Variants in ALPG observed in about 807,000 individuals in gnomAD.
The protein encoded by ALPG is alkaline phosphatase, germ cell type.
ALPG carries 32 observed loss-of-function variants against 48.6 expected under a neutral mutation model. The observed-to-expected ratio is 0.66, with a 90% confidence interval of 0.50 to 0.88. The LOEUF (loss-of-function observed/expected upper bound fraction) is 0.88, where lower values mean the gene tolerates loss of function less well. Among genes scored for constraint, ALPG ranks in the 40% least tolerant of loss-of-function variants. The pLI, the probability that ALPG is intolerant of heterozygous loss-of-function variation, is 0.00. For synonymous variants in ALPG, 244 were observed against 308.9 expected, an observed-to-expected ratio of 0.79 and a Z score of 2.20; for missense variants, 533 against 718.1, an observed-to-expected ratio of 0.74 and a Z score of 2.95.
In ALPG at chr2:232,407,920, A is replaced by G. The variant is rs1179935293; in HGVS notation, c.551A>G (p.Asn184Ser). The change falls in exon 5 of 11, where the codon AAC (asparagine) becomes AGC (serine). Residue 184 changes from asparagine (N) to serine (S), a missense_variant. Asn to Ser is a conservative substitution (Grantham distance 46, BLOSUM62 1). Coordinates refer to ENST00000295453, the MANE Select transcript of ALPG (RefSeq NM_031313.3). The stretch of plus-strand genomic sequence containing the variant: ...GCCGGCGCCTACGCCCACACGGTGA[A>G]CCGCAACTGGTACTCGGATGCCGAC... ...SPAGAYAHTV[N>S]RNWYSDADVP... 6.2e-7 allele frequency: 1 copy of G among 1,613,434 alleles called. No homozygotes were observed. The highest frequency in any genetic ancestry group is 8.5e-7 in the Non-Finnish European group (1 of 1,179,994).
Position 232,409,752 on chromosome 2 carries a change from C to A in ALPG, c.1479C>A (p.Cys493Ter), listed in dbSNP as rs753801165. The change falls in exon 11 of 11, where the codon TGC becomes TGA. Residue 493 changes from cysteine (C) to a stop codon, truncating the protein, a stop_gained. Transcript: ENST00000295453. LOFTEE classifies it low-confidence loss of function (END_TRUNC). The part of the protein sequence containing the change: ...FAACLEPYTA[C>*]DLAPRAGTTD... ...CCTGCCTGGAGCCCTACACCGCCTG[C>A]GACCTGGCGCCCCGCGCCGGCACCA... 4 of 1,608,584 alleles carry A rather than the reference C, an allele frequency of 2.5e-6. No individual in the cohort carries two copies. Among genetic ancestry groups the A allele is most frequent in the South Asian group, 1.1e-5 (1 of 90,730 alleles).
rs996495821 is a variant in ALPG at position 232,410,073 on chromosome 2, A to G, written c.*201A>G. 8 of 882,530 alleles carry G rather than the reference A, an allele frequency of 9.1e-6. No individual in the cohort carries two copies. Among genetic ancestry groups the G allele is most frequent in the Admixed American group, 3.0e-5 (1 of 33,008 alleles). The allele number at this position is 882,530 out of a possible 1,614,324, so 54.7% of individuals were successfully genotyped here. On this transcript the variant is annotated 3_prime_UTR_variant, in exon 11 of 11. Transcript: ENST00000295453. ...CCCTTTGCTTTATCTTGCTCTTGAA[A>G]TTTTGGCCCCAACTCCAGGGACTGG...
Position 232,407,990 on chromosome 2 carries a change from G to A in ALPG, c.621G>A (p.Thr207=), listed in dbSNP as rs151276345. ...ARQEGCQDIA[T]QLISNMDIDV... ...AGGAGGGGTGCCAGGACATCGCCAC[G>A]CAGCTCATCTCCAACATGGACATTG... The change falls in exon 5 of 11, where the codon ACG becomes ACA. Residue 207 remains threonine, a synonymous_variant. Transcript: ENST00000295453. 79 of 1,612,612 alleles carry A rather than the reference G, an allele frequency of 4.9e-5. 1 individual carries two copies. The highest frequency in any genetic ancestry group is 1.5e-4 in the South Asian group (14 of 90,806).
At chr2:232,407,791 G>A (rs1307433639) in intron 4 of ALPG, 23 bp downstream of exon 4, 26 of 1,613,786 alleles carry the variant, frequency 1.6e-5, no homozygotes, top group Non-Finnish European at 2.1e-5. Context: ...CCGCTGTGGG[G>A]TCAGGGCCAG....
rs746637543 is a variant in ALPG at position 232,408,007 on chromosome 2, T to C, written c.638T>C (p.Met213Thr). Reference protein sequence around the residue: ...QDIATQLISNMDIDVILGGGR... With the variant: ...QDIATQLISNTDIDVILGGGR... ...ATCGCCACGCAGCTCATCTCCAACA[T>C]GGACATTGATGTGCGACCCCCGGGC... is the stretch of plus-strand genomic sequence containing the variant. Residue 213 changes from methionine to threonine, a missense_variant, in exon 5 of 11, where the codon ATG becomes ACG. Coordinates refer to ENST00000295453, the MANE Select transcript of ALPG (RefSeq NM_031313.3). 8.7e-6 allele frequency: 14 copies of C among 1,610,792 alleles called. No homozygotes were observed. In the Admixed American group the frequency reaches 1.8e-4, roughly 21 times the overall value.
rs533246706 is a variant in ALPG, at chr2:232,407,881, A to G, written c.512A>G (p.Gln171Arg). The change falls in exon 5 of 11, where the codon CAG becomes CGG. Residue 171 changes from glutamine to arginine, a missense_variant. Gln to Arg is a conservative substitution (Grantham distance 43). Coordinates refer to ENST00000295453, the MANE Select transcript of ALPG (RefSeq NM_031313.3). ...SVGVVTTTRV[Q>R]HASPAGAYAH... ...GGAGTGGTAACCACCACACGGGTGC[A>G]GCATGCCTCGCCAGCCGGCGCCTAC... is the stretch of plus-strand genomic sequence containing the variant. 3 of 1,613,510 alleles carry G rather than the reference A, an allele frequency of 1.9e-6. No homozygotes were observed. In the African/African-American group the frequency reaches 4.0e-5, roughly 21 times the overall value.
At position 232,408,408 on chromosome 2, in the gene ALPG, G is replaced by A; in HGVS notation, c.783+7G>A. The stretch of plus-strand genomic sequence containing the variant: ...ATGGCTGGCGAAGCACCAGGTGATG[G>A]GGGCTGGTGGGTGTGCTGGGCACAG... On this transcript the variant is annotated splice_region_variant and intron_variant, in intron 6 of 10. Coordinates refer to ENST00000295453, the MANE Select transcript of ALPG (RefSeq NM_031313.3). 6.7e-7 allele frequency: 1 copy of A among 1,489,206 alleles called. No homozygotes were observed. Among genetic ancestry groups the A allele is most frequent in the Non-Finnish European group, 9.2e-7 (1 of 1,081,126 alleles). 92.2% of individuals were successfully genotyped at this position (1,489,206 alleles called of 1,614,324 possible). A position where few individuals can be genotyped will look rare whatever the true frequency, so the allele number is the denominator to read the frequency against.
At position 232,410,274 on chromosome 2, in the gene ALPG, CA is replaced by C; in HGVS notation, c.*404del. ...CAGTCATGGCAGCACCTGAGGGACA[CA>C]AGGACTTGGGTGCATCAGGACGCCT... On this transcript the variant is annotated 3_prime_UTR_variant, in exon 11 of 11. Transcript: ENST00000295453. The C allele has an allele frequency of 4.0e-6, 1 of 251,808 alleles. No homozygotes were observed. Among genetic ancestry groups the C allele is most frequent in the Middle Eastern group, 1.4e-3 (1 of 732 alleles). The allele number at this position is 251,808 out of a possible 1,614,324, so 15.6% of individuals were successfully genotyped here.
Position 232,409,976 on chromosome 2 carries a change from C to A in ALPG, c.*104C>A. 1 of 1,436,450 alleles carries A rather than the reference C, an allele frequency of 7.0e-7. No individual in the cohort carries two copies. The highest frequency in any genetic ancestry group is 1.5e-5 in the South Asian group (1 of 68,666). The allele number at this position is 1,436,450 out of a possible 1,614,324, so 89.0% of individuals were successfully genotyped here. On this transcript the variant is annotated 3_prime_UTR_variant, in exon 11 of 11. Transcript: ENST00000295453. Reference sequence around the variant, plus strand: ...CACCTGGAGCTGTCACCCCCGGAGTCGCCACACAGACGTCCTGCCATGGAA... The same window carrying A: ...CACCTGGAGCTGTCACCCCCGGAGTAGCCACACAGACGTCCTGCCATGGAA...
In ALPG at chr2:232,407,769, G is replaced by A. The variant is rs1255797228; in HGVS notation, c.475+1G>A. On this transcript the variant is annotated splice_donor_variant, in intron 4 of 10. Coordinates refer to ENST00000295453, the MANE Select transcript of ALPG (RefSeq NM_031313.3). LOFTEE classifies it high-confidence loss of function. ...GTGATGAATCGGGCCAAGAAAGCAG[G>A]TGAGCTGGGGCCCGCTGTGGGGTCA... is the stretch of plus-strand genomic sequence containing the variant. The A allele has an allele frequency of 2.5e-6, 4 of 1,613,812 alleles. No individual in the cohort carries two copies. Among genetic ancestry groups the A allele is most frequent in the Non-Finnish European group, 3.4e-6 (4 of 1,180,024 alleles).
At position 232,409,787 on chromosome 2, in the gene ALPG, C is replaced by G. The variant is rs753723573; in HGVS notation, c.1514C>G (p.Ala505Gly). Residue 505 changes from alanine to glycine, a missense_variant, in exon 11 of 11, where the codon GCG (alanine) becomes GGG (glycine). Physicochemically the swap from Ala to Gly is moderately conservative, Grantham distance 60. Coordinates refer to ENST00000295453, the MANE Select transcript of ALPG (RefSeq NM_031313.3). ...CCCCGCGCCGGCACCACCGACGCCG[C>G]GCACCCGGGGCCGTCCGTGGTCCCC... ...LAPRAGTTDA[A>G]HPGPSVVPAL... 1.2e-6 allele frequency: 2 copies of G among 1,602,064 alleles called. No homozygotes were observed. Among genetic ancestry groups the G allele is most frequent in the African/African-American group, 1.3e-5 (1 of 74,776 alleles).
In ALPG at chr2:232,410,499, C is replaced by A. The variant is rs1019793936; in HGVS notation, c.*627C>A. ...GTCACAGCCACTCAGATGTTCGACG[C>A]CCCCTAAGGTCCATTCCAGCACCCA... On this transcript the variant is annotated 3_prime_UTR_variant, in exon 11 of 11. Coordinates refer to ENST00000295453, the MANE Select transcript of ALPG (RefSeq NM_031313.3). 4 of 154,770 alleles carry A rather than the reference C, an allele frequency of 2.6e-5. No homozygotes were observed. Among genetic ancestry groups the A allele is most frequent in the African/African-American group, 9.6e-5 (4 of 41,468 alleles). The allele number at this position is 154,770 out of a possible 1,614,324, so 9.6% of individuals were successfully genotyped here. A position where few individuals can be genotyped will look rare whatever the true frequency, so the allele number is the denominator to read the frequency against.
Position 232,409,840 on chromosome 2 carries a change from TTGC to T in ALPG, c.1576_1578del (p.Leu526del), listed in dbSNP as rs781767978. 2.5e-6 allele frequency: 4 copies of T among 1,585,532 alleles called. No homozygotes were observed. The highest frequency in any genetic ancestry group is 4.5e-5 in the East Asian group (2 of 44,214). On this transcript the variant is annotated inframe_deletion, in exon 11 of 11. Transcript: ENST00000295453. ...GTTGCTTCCTCTGCTGGCAGGGACCTTGCTGCTGCTGGGGACGGCCACTGCTCC... is the reference window on the plus strand; with the variant it reads ...GTTGCTTCCTCTGCTGGCAGGGACCTTGCTGCTGGGGACGGCCACTGCTCC...
intron 5 of ALPG, 109 bp from the exon 6 acceptor site, chr2:232,408,158 G>A: frequency 6.3e-7 from 1 of 1,577,142 alleles, no homozygotes; most frequent in East Asian, 2.2e-5. Context: ...CGCAGCCCAG[G>A]CTGGGCCATT....
rs1444312640 is a variant in ALPG at position 232,409,806 on chromosome 2, G to A, written c.1533G>A (p.Val511=). The A allele has an allele frequency of 1.3e-6, 2 of 1,594,614 alleles. No individual in the cohort carries two copies. The highest frequency in any genetic ancestry group is 2.3e-5 in the East Asian group (1 of 44,418). Reference sequence around the variant, plus strand: ...ACGCCGCGCACCCGGGGCCGTCCGTGGTCCCCGCGTTGCTTCCTCTGCTGG... The same window carrying A: ...ACGCCGCGCACCCGGGGCCGTCCGTAGTCCCCGCGTTGCTTCCTCTGCTGG... ...TTDAAHPGPS[V]VPALLPLLAG... Residue 511 remains valine, a synonymous_variant, in exon 11 of 11, where the codon GTG becomes GTA. Coordinates refer to ENST00000295453, the MANE Select transcript of ALPG (RefSeq NM_031313.3).
chr2:232,408,192 C>T, intron 5 of ALPG, 75 bp from the exon 6 acceptor site: 1 of 1,596,662 alleles, frequency 6.3e-7, no homozygotes, highest in South Asian at 1.1e-5. Context: ...GGAGGGGAGT[C>T]AGGGGCTGTG....
chr2:232,407,805 A>T (rs1323853668), intron 4 of ALPG, 37 bp downstream of exon 4: 42 of 1,613,584 alleles, frequency 2.6e-5, no homozygotes, highest in Non-Finnish European at 3.4e-5. Context: ...GGGCCAGGTG[A>T]CAGACCTCTA....
Position 232,408,287 on chromosome 2 carries a change from A to C in ALPG, c.669A>C (p.Arg223=), listed in dbSNP as rs1383738112. 1 of 1,613,616 alleles carries C rather than the reference A, an allele frequency of 6.2e-7. No homozygotes were observed. ...CCCAGGTGATCCTAGGTGGAGGCCG[A>C]AAGTACATGTTTCCCATGGGGACCC... ...MDIDVILGGG[R]KYMFPMGTPD... Residue 223 remains arginine (R), a synonymous_variant, in exon 6 of 11, where the codon CGA becomes CGC. Coordinates refer to ENST00000295453, the MANE Select transcript of ALPG (RefSeq NM_031313.3).
rs931948469 is a variant in ALPG at position 232,410,276 on chromosome 2, A to G, written c.*404A>G. 4 of 245,518 alleles carry G rather than the reference A, an allele frequency of 1.6e-5. No individual in the cohort carries two copies. Among genetic ancestry groups the G allele is most frequent in the Admixed American group, 5.2e-5 (1 of 19,150 alleles). 15.2% of individuals were successfully genotyped at this position (245,518 alleles called of 1,614,324 possible). ...GTCATGGCAGCACCTGAGGGACACA[A>G]GGACTTGGGTGCATCAGGACGCCTT... On this transcript the variant is annotated 3_prime_UTR_variant, in exon 11 of 11. Coordinates refer to ENST00000295453, the MANE Select transcript of ALPG (RefSeq NM_031313.3).
Sources: allele counts gnomAD v4.1 joint callset, GRCh38; gene constraint gnomAD v4.1.1; transcripts MANE v1.5; gene names NCBI Gene and HGNC (gene_info 2026-07-23, HGNC 2026-07-21).